Variants in ANKH observed in about 807,000 individuals in gnomAD.
The protein encoded by ANKH is mineralization regulator ANKH.
Under a neutral mutation model 49.0 loss-of-function variants are expected in ANKH, and 15 were observed. The observed-to-expected ratio is 0.31, with a 90% CI of 0.20 to 0.47. The LOEUF (loss-of-function observed/expected upper bound fraction) is 0.47. ANKH is among the 20% of genes least tolerant of loss of function. ANKH has a pLI of 1.00. For synonymous variants in ANKH, 273 were observed against 260.0 expected (o/e 1.05, Z -0.48); for missense variants, 429 against 652.0 (o/e 0.66, Z 3.72).
rs73048858 is a variant in ANKH at position 14,747,596 on chromosome 5, C to T, written c.822+1576G>A. Among the ~76,000 whole-genome samples the T allele has an allele frequency of 4.1e-3, 627 of 152,172 alleles. 4 individuals are homozygous for T. The highest frequency in any genetic ancestry group is 0.014 in the African/African-American group (593 of 41,508). On this transcript the variant is annotated intron_variant, in intron 6 of 11. Coordinates refer to ENST00000284268, the MANE Select transcript of ANKH (RefSeq NM_054027.6). ...GAAAAAATAAAATGACAGTTTCTTC[C>T]CTATGTGAATGAAAAGGAAGAAAAG...
intron 2 of ANKH, among the ~76,000 whole-genome samples, chr5:14,759,040 C>G (rs1471421617): frequency 1.3e-5 from 2 of 152,160 alleles, no homozygotes; most frequent in East Asian, 1.9e-4. Context: ...TGCTTGGTGG[C>G]TAGGTTTGAA....
rs752968622 is a variant in ANKH at position 14,745,558 on chromosome 5, T to A, written c.915+312A>T. Reference sequence around the variant, plus strand: ...AAAGAAACAAACCACAGAAATAAAATCCCATAAATTGATTTTGGGGGAAGT... The same window carrying A: ...AAAGAAACAAACCACAGAAATAAAAACCCATAAATTGATTTTGGGGGAAGT... On this transcript the variant is annotated intron_variant, in intron 7 of 11. Coordinates refer to ENST00000284268, the MANE Select transcript of ANKH (RefSeq NM_054027.6). This position sits in a 1 kb window ranked among gnomAD's most constrained non-coding sequence, Gnocchi z 4.7. Among the ~76,000 whole-genome samples the A allele has an allele frequency of 5.3e-5, 8 of 152,046 alleles. No homozygotes were observed. Among genetic ancestry groups the A allele is most frequent in the Non-Finnish European group, 1.2e-4 (8 of 68,016 alleles).
chr5:14,828,621 C>T (rs138528906), intron 1 of ANKH, among the ~76,000 whole-genome samples: 107 of 152,076 alleles, frequency 7.0e-4, no homozygotes, highest in Admixed American at 2.9e-3. Context: ...CAGTTCTTTA[C>T]GCCTATACCA....
At chr5:14,819,840 T>C (rs371470753) in intron 1 of ANKH, among the ~76,000 whole-genome samples, 40 of 151,862 alleles carry the variant, frequency 2.6e-4, no homozygotes, top group Admixed American at 6.6e-4. Context: ...CACTACAGTC[T>C]GAATGACAGA....
intron 4 of ANKH, 72 bp downstream of exon 4, chr5:14,755,789 A>G: frequency 7.1e-7 from 1 of 1,405,970 alleles, no homozygotes; most frequent in Non-Finnish European, 1.0e-6. Flanking sequence ...GAATGAATAT[A>G]AATCACACAT....
At chr5:14,751,522 T>C (rs1190886990) in intron 4 of ANKH, among the ~76,000 whole-genome samples, 1 of 152,226 alleles carries the variant, frequency 6.6e-6, no homozygotes, top group African/African-American at 2.4e-5. Flanking sequence ...TTTAAGGTTA[T>C]TACTTTAAAA....
At chr5:14,828,968 C>T (rs1741426169) in intron 1 of ANKH, among the ~76,000 whole-genome samples, 2 of 152,190 alleles carry the variant, frequency 1.3e-5, no homozygotes, top group African/African-American at 2.4e-5. Context: ...AGGCAGATCA[C>T]GAGGTCAGCA....
intron 8 of ANKH, among the ~76,000 whole-genome samples, chr5:14,729,036 G>A (rs1737910696): frequency 6.6e-6 from 1 of 152,092 alleles, no homozygotes; most frequent in Non-Finnish European, 1.5e-5. Flanking sequence ...AACTGGCCCT[G>A]AAATGATGGG....
intron 6 of ANKH, among the ~76,000 whole-genome samples, chr5:14,748,090 T>C (rs1361334425): frequency 1.3e-5 from 2 of 152,204 alleles, no homozygotes. Context: ...TTGTCCTTTT[T>C]CTTTTTTTTT....
At position 14,793,045 on chromosome 5, in the gene ANKH, TATAA is replaced by T. The variant is rs1463626166; in HGVS notation, c.97-23858_97-23855del. 5.1e-3 allele frequency among the ~76,000 whole-genome samples: 225 copies of T among 43,984 alleles called. 6 individuals are homozygous for T. The highest frequency in any genetic ancestry group is 0.018 in the African/African-American group (220 of 12,208). 28.9% of individuals were successfully genotyped at this position (43,984 alleles called of 152,430 possible). On this transcript the variant is annotated intron_variant, in intron 1 of 11. Coordinates refer to ENST00000284268, the MANE Select transcript of ANKH (RefSeq NM_054027.6). The stretch of plus-strand genomic sequence containing the variant: ...AAATATATATATATAAAAATATATA[TATAA>T]ATATATATAAAATATATATAAATAT...
intron 1 of ANKH, among the ~76,000 whole-genome samples, chr5:14,782,979 T>C (rs1161810654): frequency 6.6e-6 from 1 of 152,170 alleles, no homozygotes; most frequent in African/African-American, 2.4e-5. Flanking sequence ...GATCTTTAAC[T>C]CTTCCAAAGT....
chr5:14,730,131 C>T (rs2126445050), intron 8 of ANKH, among the ~76,000 whole-genome samples: 1 of 152,218 alleles, frequency 6.6e-6, no homozygotes, highest in Non-Finnish European at 1.5e-5. Context: ...TCTACAGAAA[C>T]AGCACACAAG....
chr5:14,827,234 T>G (rs1306286714), intron 1 of ANKH, among the ~76,000 whole-genome samples: 1 of 152,240 alleles, frequency 6.6e-6, no homozygotes, highest in Non-Finnish European at 1.5e-5. Flanking sequence ...GCCACTGCTC[T>G]AAGTACTGCA....
chr5:14,756,314 G>T (rs975251514), intron 3 of ANKH, among the ~76,000 whole-genome samples: 1 of 152,330 alleles, frequency 6.6e-6, no homozygotes, highest in South Asian at 2.1e-4. Flanking sequence ...ACGTGATGCA[G>T]ATCATAATGA....
intron 1 of ANKH, among the ~76,000 whole-genome samples, chr5:14,815,015 C>G (rs1740989978): frequency 6.6e-6 from 1 of 152,150 alleles, no homozygotes; most frequent in South Asian, 2.1e-4. Context: ...GAATCCTGAG[C>G]CTTGAAGTTG....
chr5:14,778,802 C>T (rs1302428130), intron 1 of ANKH, among the ~76,000 whole-genome samples: 1 of 152,106 alleles, frequency 6.6e-6, no homozygotes, highest in East Asian at 1.9e-4. Flanking sequence ...CCTATTCCAC[C>T]CTTAACGGTA....
chr5:14,797,950 C>G, intron 1 of ANKH: 3 of 1,578,086 alleles, frequency 1.9e-6, no homozygotes, highest in Non-Finnish European at 2.6e-6. Context: ...TAGTCAAAGA[C>G]AAGAATATCA....
chr5:14,864,471 A>G (rs182277097), intron 1 of ANKH, among the ~76,000 whole-genome samples: 42 of 152,334 alleles, frequency 2.8e-4, no homozygotes, highest in Middle Eastern at 3.4e-3. Flanking sequence ...GCAGATGGAC[A>G]TCTAAAGAAA....
chr5:14,769,198 A>AG lies in ANKH; in HGVS notation c.97-8dup, dbSNP rs762202598. 19 of 1,609,424 alleles carry AG rather than the reference A, an allele frequency of 1.2e-5. No homozygotes were observed. The East Asian group carries it at 4.3e-4, about 36-fold the overall frequency. On this transcript the variant is annotated splice_region_variant and splice_polypyrimidine_tract_variant and intron_variant, in intron 1 of 11. Transcript: ENST00000284268. ...CAATGCCCCGGTTCAAGGCCTGGGA[A>AG]GGGGGAAAAAAACCCACAAGCATTA...
Sources: gnomAD v4.1 joint callset for allele counts (sites outside exome capture counted in the v4.1 genomes callset) on GRCh38, gnomAD v4.1.1 for gene constraint, Gnocchi (gnomAD v3.1) non-coding constraint, MANE v1.5 for transcripts, NCBI Gene and HGNC (gene_info 2026-07-23, HGNC 2026-07-21) for gene names.